Variants in EXOC6B observed in about 807,000 individuals in gnomAD.
The protein encoded by EXOC6B is exocyst complex component 6B.
In EXOC6B, 54 loss-of-function variants were observed where a neutral mutation model predicts 113.5. That is an observed-to-expected ratio of 0.48 (90% CI 0.38 to 0.60). The LOEUF is 0.60. EXOC6B is among the 20% of genes least tolerant of loss of function. The pLI is 0.00. For synonymous variants in EXOC6B, 357 were observed against 339.0 expected (o/e 1.05, Z -0.58); for missense variants, 797 against 977.5 (o/e 0.82, Z 2.46).
intron 14 of EXOC6B, among the ~76,000 whole-genome samples, chr2:72,495,761 C>T (rs1474995258): frequency 6.6e-6 from 1 of 151,966 alleles, no homozygotes; most frequent in Non-Finnish European, 1.5e-5. Flanking sequence ...AAGAGATAAA[C>T]AAATTGTGTT....
chr2:72,593,780 A>C (rs940597709), intron 6 of EXOC6B, among the ~76,000 whole-genome samples: 5 of 152,196 alleles, frequency 3.3e-5, no homozygotes, highest in African/African-American at 4.8e-5. Context: ...TATTACAAAC[A>C]ACTTTATGCC....
rs1246530381 is a variant in EXOC6B at position 72,261,894 on chromosome 2, C to T, written c.2196+73053G>A. 5.9e-5 allele frequency among the ~76,000 whole-genome samples: 9 copies of T among 152,046 alleles called. No individual in the cohort carries two copies. In the South Asian group the frequency reaches 6.2e-4, roughly 11 times the overall value. On this transcript the variant is annotated intron_variant, in intron 20 of 21. Transcript: ENST00000272427. ...TTCAAATGTGGTGCTTGAAATGAAA[C>T]GCAATGCCTTAGGTATGGGCTTATT... is the stretch of plus-strand genomic sequence containing the variant.
chr2:72,606,060 A>G (rs1240430464), intron 6 of EXOC6B, among the ~76,000 whole-genome samples: 1 of 152,166 alleles, frequency 6.6e-6, no homozygotes, highest in Non-Finnish European at 1.5e-5. Flanking sequence ...CCATCAGTGG[A>G]ATGAATCAGA....
At chr2:72,305,784 T>C (rs1573224924) in intron 20 of EXOC6B, among the ~76,000 whole-genome samples, 2 of 152,334 alleles carry the variant, frequency 1.3e-5, no homozygotes, top group East Asian at 3.9e-4. Flanking sequence ...TGTATTATTA[T>C]GCTCCAAAAT....
At chr2:72,715,612 G>C (rs1679564478) in intron 6 of EXOC6B, among the ~76,000 whole-genome samples, 1 of 152,038 alleles carries the variant, frequency 6.6e-6, no homozygotes, top group Non-Finnish European at 1.5e-5. Context: ...CCAGAGCAGA[G>C]GAACTTCACG....
intron 5 of EXOC6B, among the ~76,000 whole-genome samples, chr2:72,718,891 C>A (rs1346130741): frequency 6.6e-6 from 1 of 150,542 alleles, no homozygotes; most frequent in African/African-American, 2.4e-5. Context: ...GTCTCAATGC[C>A]AAAAAAAAAT....
chr2:72,369,728 C>G (rs1349868002), intron 19 of EXOC6B, among the ~76,000 whole-genome samples: 2 of 152,300 alleles, frequency 1.3e-5, no homozygotes, highest in East Asian at 3.9e-4. Context: ...ACTATCTGAT[C>G]TTTGACAAAC....
At chr2:72,611,992 T>C (rs1416397653) in intron 6 of EXOC6B, among the ~76,000 whole-genome samples, 7 of 152,146 alleles carry the variant, frequency 4.6e-5, no homozygotes, top group African/African-American at 1.7e-4. Context: ...TTAAAAATTA[T>C]CATCTTGGGG....
In EXOC6B at chr2:72,516,448, A is replaced by G. The variant is rs183395247; in HGVS notation, c.916-1322T>C. Among the ~76,000 whole-genome samples, 12 of 152,180 alleles carry G rather than the reference A, an allele frequency of 7.9e-5. No individual in the cohort carries two copies. The East Asian group carries it at 1.9e-3, about 25-fold the overall frequency. ...TTTTTAGTAGAAACAAGATTTCACCATGTTGGCCAGGATGGTCTCGATCTG... is the reference window on the plus strand; with the variant it reads ...TTTTTAGTAGAAACAAGATTTCACCGTGTTGGCCAGGATGGTCTCGATCTG... On this transcript the variant is annotated intron_variant, in intron 8 of 21. Coordinates refer to ENST00000272427, the MANE Select transcript of EXOC6B (RefSeq NM_015189.3).
In EXOC6B at chr2:72,730,577, GAGACACAC is replaced by G. The variant is rs1401346636; in HGVS notation, c.464+422_464+429del. ...TCCCTCTCCAGTAGGTAAACAGACA[GAGACACAC>G]ACACACACACACACACACACACACA... is the stretch of plus-strand genomic sequence containing the variant. On this transcript the variant is annotated intron_variant, in intron 5 of 21. Coordinates refer to ENST00000272427, the MANE Select transcript of EXOC6B (RefSeq NM_015189.3). 1.4e-4 allele frequency among the ~76,000 whole-genome samples: 10 copies of G among 69,634 alleles called. No individual in the cohort carries two copies. The South Asian group carries it at 2.0e-3, about 14-fold the overall frequency. 45.7% of individuals were successfully genotyped at this position (69,634 alleles called of 152,430 possible).
intron 1 of EXOC6B, among the ~76,000 whole-genome samples, chr2:72,743,122 C>T (rs1422374243): frequency 6.6e-6 from 1 of 152,076 alleles, no homozygotes; most frequent in South Asian, 2.1e-4. Flanking sequence ...ATTAATAAGT[C>T]CTGACAACTC....
At chr2:72,526,818 C>T (rs1701764832) in intron 8 of EXOC6B, among the ~76,000 whole-genome samples, 1 of 151,794 alleles carries the variant, frequency 6.6e-6, no homozygotes, top group East Asian at 1.9e-4. Flanking sequence ...ATAAAATTTG[C>T]TTCATCAGCA....
At chr2:72,570,741 T>C (rs11683707) in intron 7 of EXOC6B, among the ~76,000 whole-genome samples, 3,448 of 152,216 alleles carry the variant, frequency 0.023, 62 homozygotes, top group Non-Finnish European at 0.037. Flanking sequence ...GTAGAAAAAA[T>C]ACGCCCTGCT....
At chr2:72,506,184 G>GAA (rs150321973) in intron 11 of EXOC6B, among the ~76,000 whole-genome samples, 6 of 151,856 alleles carry the variant, frequency 4.0e-5, no homozygotes, top group African/African-American at 1.2e-4. Context: ...ATTGAGAAAA[G>GAA]AAAAAAACAT....
At chr2:72,341,841 A>C (rs539691234) in intron 19 of EXOC6B, among the ~76,000 whole-genome samples, 2 of 152,254 alleles carry the variant, frequency 1.3e-5, no homozygotes, top group African/African-American at 4.8e-5. Flanking sequence ...TCATATGTTG[A>C]GTCACAAAAC....
intron 6 of EXOC6B, among the ~76,000 whole-genome samples, chr2:72,698,375 G>A (rs1231434581): frequency 6.6e-6 from 1 of 152,106 alleles, no homozygotes; most frequent in Admixed American, 6.5e-5. Context: ...TAAGAGATAA[G>A]GTTATCGATA....
chr2:72,427,542 G>C (rs1204271665), intron 18 of EXOC6B, among the ~76,000 whole-genome samples: 1 of 152,196 alleles, frequency 6.6e-6, no homozygotes, highest in Admixed American at 6.5e-5. Flanking sequence ...GAGCAGCACT[G>C]ACACGCCAGC....
chr2:72,318,685 T>G (rs962092804), intron 20 of EXOC6B, among the ~76,000 whole-genome samples: 4 of 152,200 alleles, frequency 2.6e-5, no homozygotes, highest in Admixed American at 2.0e-4. Flanking sequence ...GCTTCTCTTA[T>G]TTGATTGTAA....
At chr2:72,426,661 C>T (rs79643993) in intron 18 of EXOC6B, among the ~76,000 whole-genome samples, 1 of 152,210 alleles carries the variant, frequency 6.6e-6, no homozygotes, top group Non-Finnish European at 1.5e-5. Context: ...TCAGACCCCA[C>T]CTCTCCTATC....
Sources: allele counts gnomAD v4.1 joint callset (sites outside exome capture counted in the v4.1 genomes callset), GRCh38; gene constraint gnomAD v4.1.1; transcripts MANE v1.5; gene names NCBI Gene and HGNC (gene_info 2026-07-23, HGNC 2026-07-21).